Variants in CCBE1 observed in about 807,000 individuals in gnomAD.
CCBE1 encodes the protein collagen and calcium binding EGF domains 1, also known as collagen and calcium-binding EGF domain-containing protein 1.
In CCBE1, 37 loss-of-function variants were observed where a neutral mutation model predicts 50.0. The observed-to-expected ratio is 0.74, with a 90% CI of 0.57 to 0.97. The LOEUF is 0.97. Ranked by LOEUF, CCBE1 falls within the 50% of genes least tolerant of loss-of-function variation. CCBE1 has a pLI of 0.00. For missense variants in CCBE1, 538 were observed against 523.8 expected (o/e 1.03, Z -0.26); for synonymous variants, 234 against 203.7 (o/e 1.15, Z -1.27).
At chr18:59,531,862 A>G (rs1300156822) in intron 2 of CCBE1, among the ~76,000 whole-genome samples, 2 of 152,198 alleles carry the variant, frequency 1.3e-5, no homozygotes, top group African/African-American at 4.8e-5. Flanking sequence ...GGTACTCAAG[A>G]CCGAAACAAG....
intron 2 of CCBE1, among the ~76,000 whole-genome samples, chr18:59,494,053 C>A (rs1230998276): frequency 6.6e-6 from 1 of 152,206 alleles, no homozygotes; most frequent in South Asian, 2.1e-4. Flanking sequence ...AAACCTCTTT[C>A]TTCCCAGTCT....
Position 59,496,338 on chromosome 18 carries a change from A to G in CCBE1, c.213-16100T>C, listed in dbSNP as rs146964765. On this transcript the variant is annotated intron_variant, in intron 2 of 10. Coordinates refer to ENST00000439986, the MANE Select transcript of CCBE1 (RefSeq NM_133459.4). Reference sequence around the variant, plus strand: ...GTCTGACAAATCACACATGCTCAACATGTTTTTCCTGAAGTTGGCAAGAAT... The same window carrying G: ...GTCTGACAAATCACACATGCTCAACGTGTTTTTCCTGAAGTTGGCAAGAAT... 3.3e-3 allele frequency among the ~76,000 whole-genome samples: 498 copies of G among 152,320 alleles called. 3 individuals are homozygous for G. Among genetic ancestry groups the G allele is most frequent in the African/African-American group, 0.011 (478 of 41,574 alleles).
At position 59,659,035 on chromosome 18, in the gene CCBE1, A is replaced by G. The variant is rs575823498; in HGVS notation, c.212+37594T>C. ...TTCCATCAGCACCACATCCCGACAA[A>G]TAACATTGAAAATGGAAAAGAAAAG... On this transcript the variant is annotated intron_variant, in intron 2 of 10. Transcript: ENST00000439986. Among the ~76,000 whole-genome samples the G allele has an allele frequency of 4.6e-5, 7 of 152,314 alleles. No individual in the cohort carries two copies. The South Asian group carries it at 1.5e-3, about 32-fold the overall frequency.
At chr18:59,696,054 C>G (rs951942841) in intron 2 of CCBE1, among the ~76,000 whole-genome samples, 17 of 152,184 alleles carry the variant, frequency 1.1e-4, no homozygotes, top group East Asian at 9.6e-4. Flanking sequence ...AACAAGCACC[C>G]GGGTCACTCA....
rs75358921 is a variant in CCBE1 at position 59,492,919 on chromosome 18, T to TA, written c.213-12682dup. ...GTGTAAATGTCTAGAGCCTTCCTTG[T>TA]AAATTACCCAATGTGAAAGGAGGCT... On this transcript the variant is annotated intron_variant, in intron 2 of 10. Transcript: ENST00000439986. Among the ~76,000 whole-genome samples the TA allele has an allele frequency of 2.6e-5, 4 of 152,332 alleles. No individual in the cohort carries two copies. The East Asian group carries it at 7.7e-4, about 29-fold the overall frequency.
chr18:59,687,581 CCA>C (rs1379037792), intron 2 of CCBE1, among the ~76,000 whole-genome samples: 1 of 152,204 alleles, frequency 6.6e-6, no homozygotes, highest in Admixed American at 6.5e-5. Context: ...CTACTGTTTT[CCA>C]CAGTCATTGT....
chr18:59,681,231 T>C (rs1353624782), intron 2 of CCBE1, among the ~76,000 whole-genome samples: 4 of 152,172 alleles, frequency 2.6e-5, no homozygotes, highest in Non-Finnish European at 5.9e-5. Context: ...AATTTGCACA[T>C]GAAGTCTTTA....
intron 2 of CCBE1, among the ~76,000 whole-genome samples, chr18:59,509,938 C>T (rs914522146): frequency 6.6e-6 from 1 of 152,136 alleles, no homozygotes; most frequent in African/African-American, 2.4e-5. Flanking sequence ...AGGGGAGTGG[C>T]TGTGCACATT....
At chr18:59,572,332 T>G (rs568190167) in intron 2 of CCBE1, among the ~76,000 whole-genome samples, 1 of 152,294 alleles carries the variant, frequency 6.6e-6, no homozygotes, top group East Asian at 1.9e-4. Flanking sequence ...CTGGAACCAA[T>G]TGTTGTTATA....
chr18:59,658,400 TATATATATATATATATA>T (rs2054232706), intron 2 of CCBE1, among the ~76,000 whole-genome samples: 2 of 45,986 alleles, frequency 4.3e-5, no homozygotes, highest in African/African-American at 8.2e-5. Context: ...TATATATATA[TATATATATATATATATA>T]AAGTTAGCTA....
chr18:59,469,537 A>C lies in CCBE1; in HGVS notation c.336T>G (p.Thr112=). 1 of 1,614,216 alleles carries C rather than the reference A, an allele frequency of 6.2e-7. No individual in the cohort carries two copies. The highest frequency in any genetic ancestry group is 8.5e-7 in the Non-Finnish European group (1 of 1,180,038). The change falls in exon 4 of 11, where the codon ACT becomes ACG. Residue 112 remains threonine (T), a synonymous_variant. Transcript: ENST00000439986. ...CTDNFGRVLC[T]CYPGYRYDRE... Reference sequence around the variant, plus strand: ...GGTCATATCGGTATCCCGGATAACAAGTACACAGCACTCGGCCAAAGTTGT... The same window carrying C: ...GGTCATATCGGTATCCCGGATAACACGTACACAGCACTCGGCCAAAGTTGT...
chr18:59,570,684 G>T (rs2052898311), intron 2 of CCBE1, among the ~76,000 whole-genome samples: 1 of 152,110 alleles, frequency 6.6e-6, no homozygotes, highest in South Asian at 2.1e-4. Flanking sequence ...GCTGGCGGGG[G>T]TGGGGCAGGA....
chr18:59,517,380 GAGA>G (rs1376003060), intron 2 of CCBE1, among the ~76,000 whole-genome samples: 1 of 152,200 alleles, frequency 6.6e-6, no homozygotes, highest in African/African-American at 2.4e-5. Flanking sequence ...TTAACTGGGG[GAGA>G]AGAACTTTTC....
At chr18:59,551,095 T>C (rs936252556) in intron 2 of CCBE1, among the ~76,000 whole-genome samples, 2 of 150,888 alleles carry the variant, frequency 1.3e-5, no homozygotes, top group Admixed American at 6.6e-5. Flanking sequence ...TTATAAGTTC[T>C]AAACAATGCA....
intron 2 of CCBE1, among the ~76,000 whole-genome samples, chr18:59,664,093 G>A (rs2054321250): frequency 6.6e-6 from 1 of 152,102 alleles, no homozygotes; most frequent in Non-Finnish European, 1.5e-5. Flanking sequence ...CAGCATGATT[G>A]GGTTCTGGTG....
intron 2 of CCBE1, among the ~76,000 whole-genome samples, chr18:59,640,757 T>C (rs906908572): frequency 6.6e-6 from 1 of 152,004 alleles, no homozygotes; most frequent in African/African-American, 2.4e-5. Context: ...AAGTCTAATA[T>C]CCAGAATCTA....
intron 2 of CCBE1, among the ~76,000 whole-genome samples, chr18:59,640,331 C>T (rs1242337361): frequency 6.6e-6 from 1 of 152,008 alleles, no homozygotes; most frequent in Non-Finnish European, 1.5e-5. Context: ...TATGCCATAC[C>T]CCTACAACCA....
At chr18:59,450,464 T>C (rs1910878938) in intron 6 of CCBE1, among the ~76,000 whole-genome samples, 1 of 152,112 alleles carries the variant, frequency 6.6e-6, no homozygotes, top group African/African-American at 2.4e-5. Flanking sequence ...GGGTCTAGAA[T>C]TTAAACTTAG....
chr18:59,557,523 C>T (rs1263667442), intron 2 of CCBE1, among the ~76,000 whole-genome samples: 1 of 152,200 alleles, frequency 6.6e-6, no homozygotes, highest in Non-Finnish European at 1.5e-5. Flanking sequence ...CCCCCATTTC[C>T]ACTGTGTTGC....
Sources: allele counts gnomAD v4.1 joint callset (sites outside exome capture counted in the v4.1 genomes callset), GRCh38; gene constraint gnomAD v4.1.1; transcripts MANE v1.5; gene names NCBI Gene and HGNC (gene_info 2026-07-23, HGNC 2026-07-21).